The following ANK2 variants were observed in gnomAD, a reference collection of about 807,000 sequenced individuals.
ANK2 encodes ankyrin 2, also known as ankyrin-2.
In ANK2, 83 loss-of-function variants were observed where a neutral mutation model predicts 360.5. That is an observed-to-expected ratio of 0.23 (90% CI 0.19 to 0.28). The LOEUF (loss-of-function observed/expected upper bound fraction) is 0.28. Ranked by LOEUF, ANK2 falls within the 10% of genes least tolerant of loss-of-function variation. The pLI, the probability that ANK2 is intolerant of heterozygous loss-of-function variation, is 1.00. For synonymous variants in ANK2, 1,740 were observed against 1,759.5 expected (o/e 0.99, Z 0.28); for missense variants, 4,201 against 4,795.7 (o/e 0.88, Z 3.66).
intron 2 of ANK2, among the ~76,000 whole-genome samples, chr4:112,945,998 CT>C (rs921101219): frequency 1.3e-5 from 2 of 152,164 alleles, no homozygotes; most frequent in Non-Finnish European, 2.9e-5. Context: ...GCTGAGTCAG[CT>C]GGACCCAGGA....
chr4:113,236,447 C>G (rs757579446), intron 5 of ANK2, among the ~76,000 whole-genome samples: 1 of 152,088 alleles, frequency 6.6e-6, no homozygotes, highest in South Asian at 2.1e-4. Context: ...CCTAATTTGC[C>G]AGAGTTTTAG....
the ANK2 span, among the ~76,000 whole-genome samples, chr4:112,705,950 G>A: frequency 6.6e-5 from 10 of 151,310 alleles, no homozygotes; most frequent in Non-Finnish European, 1.0e-4. Flanking sequence ...GGTGGCGCGG[G>A]AGGGACTTCG....
chr4:113,359,836 T>C (rs2096084977), intron 38 of ANK2, among the ~76,000 whole-genome samples: 1 of 152,220 alleles, frequency 6.6e-6, no homozygotes, highest in Admixed American at 6.5e-5. Flanking sequence ...GGATTTCAGA[T>C]ACCATTGGTA....
intron 27 of ANK2, 145 bp downstream of exon 27, chr4:113,330,615 C>T (rs2092164056): frequency 1.3e-6 from 1 of 776,630 alleles, no homozygotes; most frequent in South Asian, 1.7e-5. Flanking sequence ...TTGGAAGTAG[C>T]ACCTCAATGC....
At chr4:112,901,834 C>T (rs1374652469) in intron 1 of ANK2, among the ~76,000 whole-genome samples, 3 of 150,122 alleles carry the variant, frequency 2.0e-5, no homozygotes, top group East Asian at 3.9e-4. Context: ...CACTGCACTC[C>T]AGCCTGGGCG....
At chr4:113,277,461 G>A (rs2060654601) in intron 15 of ANK2, among the ~76,000 whole-genome samples, 1 of 152,260 alleles carries the variant, frequency 6.6e-6, no homozygotes, top group African/African-American at 2.4e-5. Flanking sequence ...AAGAGAAGGA[G>A]GGTTGGAGAG....
chr4:113,020,128 T>A lies in ANK2; in HGVS notation c.21+115614T>A, dbSNP rs138314586. On this transcript the variant is annotated intron_variant, in intron 2 of 30. Coordinates refer to the ANK2 transcript ENST00000503271. The stretch of plus-strand genomic sequence containing the variant: ...TTTTCACTATTTTTTAATGTAAATG[T>A]TTTTGAGAGTCAAAGAAGATTCTAT... Among the ~76,000 whole-genome samples, 999 of 152,284 alleles carry A rather than the reference T, an allele frequency of 6.6e-3. 25 individuals carry two copies. The highest frequency in any genetic ancestry group is 0.06 in the East Asian group (313 of 5,176).
intron 2 of ANK2, among the ~76,000 whole-genome samples, chr4:113,176,474 T>G (rs28629787): frequency 0.31 from 47,274 of 151,760 alleles, 8,074 homozygotes; most frequent in African/African-American, 0.45. Context: ...TGATTTTTTT[T>G]TGTGTTCTTT....
intron 4 of ANK2, among the ~76,000 whole-genome samples, chr4:113,205,317 C>T (rs1417725137): frequency 6.8e-6 from 1 of 146,304 alleles, no homozygotes; most frequent in Non-Finnish European, 1.5e-5. Context: ...TCTTATCTGT[C>T]TCTACATTCT....
At chr4:112,993,185 G>A (rs927668604) in intron 2 of ANK2, among the ~76,000 whole-genome samples, 7 of 152,138 alleles carry the variant, frequency 4.6e-5, no homozygotes, top group African/African-American at 7.2e-5. Flanking sequence ...TCAGGAGGTC[G>A]AGGTGGGAGG....
At chr4:113,274,408 T>C (rs781689998) in intron 14 of ANK2, 44 bp from the exon 15 acceptor site, 2 of 1,590,858 alleles carry the variant, frequency 1.3e-6, no homozygotes, top group Admixed American at 3.3e-5. Context: ...ACCAGTGAAG[T>C]TCTGTCTGCC....
intron 1 of ANK2, among the ~76,000 whole-genome samples, chr4:112,849,872 T>A (rs1262936272): frequency 6.6e-6 from 1 of 152,206 alleles, no homozygotes; most frequent in East Asian, 1.9e-4. Flanking sequence ...AGGTTAGCAC[T>A]TGAATCAGTA....
intron 2 of ANK2, among the ~76,000 whole-genome samples, chr4:112,989,399 T>A (rs2046002003): frequency 6.6e-6 from 1 of 152,222 alleles, no homozygotes; most frequent in African/African-American, 2.4e-5. Context: ...ACTGATTCAT[T>A]GACTTCTCTT....
At chr4:113,158,611 A>G (rs531309772) in intron 1 of ANK2, among the ~76,000 whole-genome samples, 8 of 152,212 alleles carry the variant, frequency 5.3e-5, no homozygotes, top group Admixed American at 2.0e-4. Context: ...CACGCTGCAC[A>G]TTATATGCTG....
intron 13 of ANK2, among the ~76,000 whole-genome samples, chr4:113,264,644 C>T (rs948138191): frequency 2.0e-5 from 3 of 151,900 alleles, no homozygotes; most frequent in African/African-American, 7.3e-5. Context: ...ATCGCTTGAA[C>T]CCTGGAGGTG....
At chr4:113,338,746 T>A (rs536266753) in intron 31 of ANK2, among the ~76,000 whole-genome samples, 2 of 151,920 alleles carry the variant, frequency 1.3e-5, no homozygotes, top group Non-Finnish European at 2.9e-5. Context: ...AGATGGGGTT[T>A]CACCGTGTTA....
chr4:112,838,873 A>T (rs1263612469), intron 1 of ANK2, among the ~76,000 whole-genome samples: 1 of 152,200 alleles, frequency 6.6e-6, no homozygotes, highest in Admixed American at 6.5e-5. Context: ...CTTTTCTAGT[A>T]ACTCACAATA....
At chr4:113,360,966 G>A in intron 39 of ANK2, 69 bp downstream of exon 39, 3 of 1,347,404 alleles carry the variant, frequency 2.2e-6, no homozygotes, top group Non-Finnish European at 3.1e-6. Context: ...GTCATTCACA[G>A]CATAAAAGGT....
chr4:113,209,339 T>A (rs1382897471), intron 4 of ANK2, among the ~76,000 whole-genome samples: 2 of 151,870 alleles, frequency 1.3e-5, no homozygotes, highest in Admixed American at 1.3e-4. Context: ...TTTTTCTAGA[T>A]CCAGACAAGG....
Sources: allele counts gnomAD v4.1 joint callset (sites outside exome capture counted in the v4.1 genomes callset), GRCh38; gene constraint gnomAD v4.1.1; transcripts MANE v1.5; gene names NCBI Gene and HGNC (gene_info 2026-07-23, HGNC 2026-07-21).